MAP3K13: variants seen among roughly 807,000 people sequenced by gnomAD.
The protein encoded by MAP3K13 is mitogen-activated protein kinase kinase kinase 13.
MAP3K13 carries 52 observed loss-of-function variants against 104.0 expected under a neutral mutation model. That is an observed-to-expected ratio of 0.50 (90% CI 0.40 to 0.63). The LOEUF is 0.63. Among genes scored for constraint, MAP3K13 ranks in the 20% least tolerant of loss-of-function variants. The probability of loss-of-function intolerance (pLI) is 0.00; values close to 1 mark genes in which losing one functional copy is unlikely to be tolerated. For missense variants in MAP3K13, 914 were observed against 1,218.5 expected (o/e 0.75, Z 3.72); for synonymous variants, 394 against 442.2 (o/e 0.89, Z 1.37).
At chr3:185,419,613 A>G (rs1434472323) in intron 1 of MAP3K13, among the ~76,000 whole-genome samples, 1 of 152,174 alleles carries the variant, frequency 6.6e-6, no homozygotes, top group Non-Finnish European at 1.5e-5. Context: ...TTTTATGCCT[A>G]TTAATATTTA....
At chr3:185,397,039 G>GTT (rs5855062) in intron 1 of MAP3K13, among the ~76,000 whole-genome samples, 138 of 150,826 alleles carry the variant, frequency 9.1e-4, no homozygotes, top group South Asian at 5.9e-3. Flanking sequence ...ATTCTTGTTT[G>GTT]TTTTTTTTTC....
intron 1 of MAP3K13, among the ~76,000 whole-genome samples, chr3:185,405,876 G>A (rs956886603): frequency 6.6e-6 from 1 of 152,230 alleles, no homozygotes; most frequent in Non-Finnish European, 1.5e-5. Flanking sequence ...GCATCATAAC[G>A]TGATGTCTGG....
At position 185,450,567 on chromosome 3, in the gene MAP3K13, G is replaced by C. The variant is rs574848659; in HGVS notation, c.1169+509G>C. On this transcript the variant is annotated intron_variant, in intron 6 of 13. Transcript: ENST00000265026. The surrounding 1 kb of genome is among the most constrained non-coding windows in gnomAD (Gnocchi z 4.2). ...GGATCACTTGAGGCGAGGAGTTCAA[G>C]AGCAGCTTGGGCAACATAGCGAGAC... is the stretch of plus-strand genomic sequence containing the variant. 4.6e-5 allele frequency among the ~76,000 whole-genome samples: 7 copies of C among 152,120 alleles called. No homozygotes were observed. In the East Asian group the frequency reaches 1.4e-3, roughly 29 times the overall value.
At chr3:185,355,112 G>C (rs2079043336) in intron 2 of MAP3K13, among the ~76,000 whole-genome samples, 1 of 152,106 alleles carries the variant, frequency 6.6e-6, no homozygotes, top group South Asian at 2.1e-4. Context: ...TCTAGGACCA[G>C]ATTTGCTCCC....
At chr3:185,384,544 T>G (rs1711568978) in intron 1 of MAP3K13, among the ~76,000 whole-genome samples, 2 of 152,182 alleles carry the variant, frequency 1.3e-5, no homozygotes, top group African/African-American at 4.8e-5. Flanking sequence ...ACCTCCATAT[T>G]GTTTTCCATA....
At chr3:185,465,694 C>T (rs758638463) in intron 8 of MAP3K13, 53 bp from the exon 9 acceptor site, 4 of 1,300,730 alleles carry the variant, frequency 3.1e-6, no homozygotes, top group Non-Finnish European at 4.5e-6. Context: ...ATCAAGCGGA[C>T]TTTTTTCTCC....
intron 2 of MAP3K13, among the ~76,000 whole-genome samples, chr3:185,317,733 C>T (rs1471394939): frequency 6.6e-6 from 1 of 151,992 alleles, no homozygotes; most frequent in Non-Finnish European, 1.5e-5. Flanking sequence ...TATATTTATA[C>T]TTGATCTCTT....
chr3:185,428,639 G>A lies in MAP3K13; in HGVS notation c.58G>A (p.Glu20Lys), dbSNP rs1389037826. The A allele has an allele frequency of 7.4e-6, 12 of 1,613,396 alleles. 1 individual carries two copies. The highest frequency in any genetic ancestry group is 1.0e-5 in the Non-Finnish European group (12 of 1,179,604). Residue 20 changes from glutamate to lysine, a missense_variant, in exon 2 of 14, where the codon GAA becomes AAA. Physicochemically the swap from Glu to Lys is moderately conservative, Grantham distance 56. Around this residue, in one of 3 missense-constraint regions of MAP3K13, gnomAD observed 156 missense variants for 159.8 expected, o/e 0.98. Transcript: ENST00000265026. ...CTCTTCTCCACACTTACCCTTCAGT[G>A]AAAGCAAAACCTTCAATGGACTACA... ...CSSSPHLPFS[E>K]SKTFNGLQDE... is the part of the protein sequence containing the mutation.
In MAP3K13 at chr3:185,477,375, T is replaced by C. The variant is rs186776808; in HGVS notation, c.2480T>C (p.Val827Ala). The C allele has an allele frequency of 1.2e-6, 2 of 1,613,030 alleles. No homozygotes were observed. The highest frequency in any genetic ancestry group is 2.2e-5 in the East Asian group (1 of 44,888). Residue 827 changes from valine to alanine, a missense_variant, in exon 12 of 14, where the codon GTT (valine) becomes GCT (alanine). By Grantham distance (64) the Val-to-Ala change is moderately conservative. This residue lies in a region of MAP3K13 where 583 missense variants were observed against 737.4 expected (regional missense o/e 0.79). Transcript: ENST00000265026. ...GAAGAAGGGGAAGTAGATAGTGAAG[T>C]TGAATTTCCACGAAGACAGAGGTAA... ...EEEEGEVDSEVEFPRRQRPHR... is the reference protein window; with the variant it reads ...EEEEGEVDSEAEFPRRQRPHR...
At position 185,428,703 on chromosome 3, in the gene MAP3K13, A is replaced by G. The variant is rs1392101991; in HGVS notation, c.122A>G (p.Lys41Arg). The G allele has an allele frequency of 9.3e-6, 15 of 1,614,194 alleles. No homozygotes were observed. Among genetic ancestry groups the G allele is most frequent in the East Asian group, 2.2e-5 (1 of 44,882 alleles). The part of the protein sequence containing the change: ...LTAMGNHPSP[K>R]LLEDQQEKGM... ...GCTATGGGGAACCACCCTTCTCCCAAGCTGCTCGAGGACCAGCAGGAAAAG... is the reference window on the plus strand; with the variant it reads ...GCTATGGGGAACCACCCTTCTCCCAGGCTGCTCGAGGACCAGCAGGAAAAG... The change falls in exon 2 of 14, where the codon AAG becomes AGG. Residue 41 changes from lysine (K) to arginine (R), a missense_variant. Physicochemically the swap from Lys to Arg is conservative, Grantham distance 26. Transcript: ENST00000265026.
chr3:185,369,902 G>A (rs980784966), intron 1 of MAP3K13, among the ~76,000 whole-genome samples: 3 of 152,146 alleles, frequency 2.0e-5, no homozygotes, highest in Non-Finnish European at 2.9e-5. Context: ...GGATGCAATG[G>A]AAAAAGAATT....
intron 1 of MAP3K13, among the ~76,000 whole-genome samples, chr3:185,424,151 G>C (rs2108798386): frequency 6.6e-6 from 1 of 152,286 alleles, no homozygotes; most frequent in East Asian, 1.9e-4. Flanking sequence ...CATGATTAGG[G>C]AAAATAACCC....
chr3:185,466,800 G>A (rs1560128278), intron 9 of MAP3K13, 26 bp from the exon 10 acceptor site: 9 of 1,613,796 alleles, frequency 5.6e-6, no homozygotes, highest in Middle Eastern at 1.7e-4. Flanking sequence ...AATGACTGAG[G>A]TGTGGCTTTT....
intron 4 of MAP3K13, among the ~76,000 whole-genome samples, chr3:185,447,054 T>C (rs1410087214): frequency 6.6e-6 from 1 of 152,150 alleles, no homozygotes; most frequent in Non-Finnish European, 1.5e-5. Flanking sequence ...CAAAACCTAT[T>C]GTTCACACAA....
At position 185,485,753 on chromosome 3, in the gene MAP3K13, TG is replaced by T. The variant is rs1718687143; in HGVS notation, c.*3299del. On this transcript the variant is annotated 3_prime_UTR_variant, in exon 14 of 14. Transcript: ENST00000265026. ...AAAAAAACATAGTATATATAGGGTT[TG>T]GTACTATCAGAGTTTTTAGGCATCC... 6.6e-6 allele frequency: 1 copy of T among 152,162 alleles called. No homozygotes were observed. The highest frequency in any genetic ancestry group is 1.9e-4 in the East Asian group (1 of 5,192). The allele number at this position is 152,162 out of a possible 1,614,324, so 9.4% of individuals were successfully genotyped here. A position where few individuals can be genotyped will look rare whatever the true frequency, so the allele number is the denominator to read the frequency against.
chr3:185,417,456 A>G (rs1414014610), intron 1 of MAP3K13: 2 of 1,544,960 alleles, frequency 1.3e-6, no homozygotes, highest in Non-Finnish European at 1.7e-6. Context: ...AAGCTGTCCA[A>G]AATGATTTGA....
intron 1 of MAP3K13, among the ~76,000 whole-genome samples, chr3:185,372,938 T>A (rs1335567868): frequency 2.0e-5 from 3 of 152,202 alleles, no homozygotes; most frequent in Non-Finnish European, 4.4e-5. Context: ...ACTGTCCTGC[T>A]AAAGCTTCAC....
intron 2 of MAP3K13, among the ~76,000 whole-genome samples, chr3:185,348,970 T>A (rs1364847802): frequency 3.3e-5 from 5 of 152,002 alleles, no homozygotes; most frequent in Non-Finnish European, 1.5e-5. Context: ...CTAGTGGTTA[T>A]GGGTTTTGAA....
rs112120230 is a variant in MAP3K13, at chr3:185,385,993, C to A, written c.-86+22625C>A. Among the ~76,000 whole-genome samples, 1,269 of 138,776 alleles carry A rather than the reference C, an allele frequency of 9.1e-3. 13 individuals carry two copies. The highest frequency in any genetic ancestry group is 0.016 in the Non-Finnish European group (1,004 of 64,230). 91.0% of individuals were successfully genotyped at this position (138,776 alleles called of 152,430 possible). The stretch of plus-strand genomic sequence containing the variant: ...ATTCCAGCCTGGGTGACAAAGCAGA[C>A]CCTATCTTAAAAAAAAAAAAAGTTA... On this transcript the variant is annotated intron_variant, in intron 1 of 13. Coordinates refer to ENST00000265026, the MANE Select transcript of MAP3K13 (RefSeq NM_004721.5).
Sources: allele counts gnomAD v4.1 joint callset (sites outside exome capture counted in the v4.1 genomes callset), GRCh38; gene constraint gnomAD v4.1.1; regional missense constraint gnomAD v4.1.1; non-coding constraint Gnocchi (gnomAD v3.1); transcripts MANE v1.5; gene names NCBI Gene and HGNC (gene_info 2026-07-23, HGNC 2026-07-21).